Variants in MEGF11 observed in about 807,000 individuals in gnomAD.
MEGF11 encodes multiple epidermal growth factor-like domains protein 11.
MEGF11 carries 126 observed loss-of-function variants against 146.6 expected under a neutral mutation model. The observed-to-expected ratio is 0.86, with a 90% CI of 0.74 to 1.00. The LOEUF (loss-of-function observed/expected upper bound fraction) is 1.00. Ranked by LOEUF, MEGF11 falls within the 50% of genes least tolerant of loss-of-function variation. The pLI is 0.00. For missense variants in MEGF11, 1,509 were observed against 1,521.2 expected, an observed-to-expected ratio of 0.99 and a Z score of 0.13; for synonymous variants, 532 against 583.4, an observed-to-expected ratio of 0.91 and a Z score of 1.27.
intron 5 of MEGF11, among the ~76,000 whole-genome samples, chr15:66,076,674 G>A (rs563773648): frequency 5.9e-5 from 9 of 152,302 alleles, no homozygotes; most frequent in African/African-American, 2.2e-4. Context: ...CAGTAAGGCT[G>A]TACCAGGATA....
At chr15:66,008,269 T>G (rs1300511797) in intron 5 of MEGF11, among the ~76,000 whole-genome samples, 5 of 151,892 alleles carry the variant, frequency 3.3e-5, no homozygotes, top group Non-Finnish European at 5.9e-5. Context: ...CAGGAAGGGG[T>G]CCCTGAGTCC....
chr15:66,021,900 T>C (rs1249348621), intron 5 of MEGF11, among the ~76,000 whole-genome samples: 5 of 152,302 alleles, frequency 3.3e-5, no homozygotes, highest in Non-Finnish European at 5.9e-5. Context: ...CAGCAAAATG[T>C]CTCTCCAGAG....
intron 5 of MEGF11, among the ~76,000 whole-genome samples, chr15:66,036,644 A>G (rs1473947721): frequency 2.0e-5 from 3 of 152,158 alleles, no homozygotes; most frequent in African/African-American, 7.2e-5. Context: ...TTTGGAGTCC[A>G]TGTCTTCCTA....
chr15:66,247,905 G>A (rs187046236), intron 1 of MEGF11, among the ~76,000 whole-genome samples: 282 of 151,428 alleles, frequency 1.9e-3, no homozygotes, highest in African/African-American at 3.6e-3. Flanking sequence ...GCATGGTGGC[G>A]CGTGCCTGTA....
At chr15:65,938,022 G>A (rs994053628) in intron 10 of MEGF11, among the ~76,000 whole-genome samples, 1 of 152,246 alleles carries the variant, frequency 6.6e-6, no homozygotes, top group Non-Finnish European at 1.5e-5. Context: ...ACCCAAAGGT[G>A]TGAGGAATGG....
At chr15:65,996,033 C>T (rs2082187251) in intron 5 of MEGF11, among the ~76,000 whole-genome samples, 1 of 152,168 alleles carries the variant, frequency 6.6e-6, no homozygotes, top group Non-Finnish European at 1.5e-5. Flanking sequence ...GGGGAAGCCT[C>T]CACCCTCCCT....
chr15:66,106,954 T>C (rs2087111353), intron 4 of MEGF11, among the ~76,000 whole-genome samples: 1 of 152,128 alleles, frequency 6.6e-6, no homozygotes, highest in Admixed American at 6.5e-5. Context: ...ATCCAGCAAC[T>C]ACAGGGTTAA....
chr15:65,923,447 A>G lies in MEGF11; in HGVS notation c.1676-478T>C, dbSNP rs536807487. On this transcript the variant is annotated intron_variant, in intron 13 of 25. Coordinates refer to ENST00000395614, the MANE Select transcript of MEGF11 (RefSeq NM_001385028.1). ...GCCCACGCATGTTAGCCCAGGAGCC[A>G]CTGGTGCTGCTGGGTCCCTGCCAAC... is the stretch of plus-strand genomic sequence containing the variant. 2.0e-5 allele frequency among the ~76,000 whole-genome samples: 3 copies of G among 152,296 alleles called. No individual in the cohort carries two copies. The East Asian group carries it at 5.8e-4, about 29-fold the overall frequency.
At chr15:66,067,715 A>T (rs1402758391) in intron 5 of MEGF11, among the ~76,000 whole-genome samples, 1 of 152,230 alleles carries the variant, frequency 6.6e-6, no homozygotes, top group Admixed American at 6.5e-5. Context: ...TCTTGCTAGC[A>T]GCAGTGGCTG....
chr15:66,218,945 A>G (rs1245758177), intron 1 of MEGF11, among the ~76,000 whole-genome samples: 3 of 146,512 alleles, frequency 2.0e-5, no homozygotes, highest in Admixed American at 6.9e-5. Flanking sequence ...AGCCTTTCCA[A>G]TAAATGGTAT....
intron 1 of MEGF11, among the ~76,000 whole-genome samples, chr15:66,155,254 G>GC (rs1555477148): frequency 3.0e-5 from 3 of 98,394 alleles, no homozygotes; most frequent in African/African-American, 8.2e-5. Flanking sequence ...ACATGGTGAT[G>GC]CCCCCCACCC....
chr15:65,983,805 G>C lies in MEGF11; in HGVS notation c.395-1317C>G, dbSNP rs373133537. 5.9e-5 allele frequency among the ~76,000 whole-genome samples: 9 copies of C among 152,254 alleles called. No individual in the cohort carries two copies. In the East Asian group the frequency reaches 1.7e-3, roughly 29 times the overall value. ...GAAAGGGGGCAGGTGAGTGGGACTGGGAAGGTGTCACTGGGGTAGACTCAA... is the reference window on the plus strand; with the variant it reads ...GAAAGGGGGCAGGTGAGTGGGACTGCGAAGGTGTCACTGGGGTAGACTCAA... On this transcript the variant is annotated intron_variant, in intron 5 of 25. Coordinates refer to ENST00000395614, the MANE Select transcript of MEGF11 (RefSeq NM_001385028.1).
At chr15:66,186,283 T>C (rs1413514780) in intron 1 of MEGF11, among the ~76,000 whole-genome samples, 1 of 152,136 alleles carries the variant, frequency 6.6e-6, no homozygotes, top group Non-Finnish European at 1.5e-5. Context: ...GCTAGAGTTT[T>C]TGGAAGAAGA....
intron 1 of MEGF11, among the ~76,000 whole-genome samples, chr15:66,144,529 A>G (rs2089293845): frequency 6.6e-6 from 1 of 152,172 alleles, no homozygotes; most frequent in Non-Finnish European, 1.5e-5. Context: ...CCTCTAAGCC[A>G]TTAGTGAAGT....
intron 5 of MEGF11, among the ~76,000 whole-genome samples, chr15:66,068,461 T>C (rs1320444069): frequency 6.6e-6 from 1 of 152,192 alleles, no homozygotes; most frequent in Non-Finnish European, 1.5e-5. Flanking sequence ...CATTGCCAAA[T>C]GTCCCCTGGC....
At chr15:66,120,885 G>C (rs966141412) in intron 3 of MEGF11, among the ~76,000 whole-genome samples, 1 of 152,140 alleles carries the variant, frequency 6.6e-6, no homozygotes, top group African/African-American at 2.4e-5. Context: ...CGCCCCTCAG[G>C]AAAGAGTTGC....
At chr15:66,222,688 G>A (rs1420746732) in intron 1 of MEGF11, among the ~76,000 whole-genome samples, 1 of 152,164 alleles carries the variant, frequency 6.6e-6, no homozygotes, top group African/African-American at 2.4e-5. Flanking sequence ...GATCTGAATA[G>A]ACACTTCTCC....
Position 65,961,410 on chromosome 15 carries a change from T to C in MEGF11, c.1112+3498A>G, listed in dbSNP as rs191279665. 1.8e-3 allele frequency among the ~76,000 whole-genome samples: 276 copies of C among 152,362 alleles called. 1 individual carries two copies. The highest frequency in any genetic ancestry group is 6.2e-3 in the African/African-American group (259 of 41,576). On this transcript the variant is annotated intron_variant, in intron 9 of 25. Coordinates refer to ENST00000395614, the MANE Select transcript of MEGF11 (RefSeq NM_001385028.1). ...TGCCTTTCTTTCAGCTGCTATGAGA[T>C]TTCTATCAATGCTGCATCTGTTGGC...
At chr15:65,922,609 C>G in intron 14 of MEGF11, 137 bp from the exon 15 acceptor site, 1 of 1,354,006 alleles carries the variant, frequency 7.4e-7, no homozygotes, top group Non-Finnish European at 9.8e-7. Context: ...TCCCTTTCTG[C>G]AGAGAAGAGC....
Sources: allele counts gnomAD v4.1 joint callset (sites outside exome capture counted in the v4.1 genomes callset), GRCh38; gene constraint gnomAD v4.1.1; transcripts MANE v1.5; gene names NCBI Gene and HGNC (gene_info 2026-07-23, HGNC 2026-07-21).